The following NEGR1 variants were observed in gnomAD, a reference collection of about 807,000 sequenced individuals.
The protein encoded by NEGR1 is neuronal growth regulator 1, also known as IgLON family member 4.
A neutral mutation model predicts 40.9 loss-of-function variants in NEGR1; 10 were observed. The ratio of observed to expected loss-of-function variants is 0.24; its 90% CI spans 0.15 to 0.42. The LOEUF is 0.42. Ranked by LOEUF, NEGR1 falls within the 10% of genes least tolerant of loss-of-function variation. The probability of loss-of-function intolerance (pLI) is 1.00; values close to 1 mark genes in which losing one functional copy is unlikely to be tolerated. For missense variants in NEGR1, 352 were observed against 438.9 expected (o/e 0.80, Z 1.77); for synonymous variants, 185 against 166.8 (o/e 1.11, Z -0.84).
At chr1:72,110,813 A>C (rs1416146551) in intron 1 of NEGR1, among the ~76,000 whole-genome samples, 1 of 151,554 alleles carries the variant, frequency 6.6e-6, no homozygotes, top group Non-Finnish European at 1.5e-5. Context: ...TTTACATGTA[A>C]ATATAAGATT....
At chr1:71,888,260 G>A (rs1356374530) in intron 2 of NEGR1, among the ~76,000 whole-genome samples, 3 of 152,140 alleles carry the variant, frequency 2.0e-5, no homozygotes, top group South Asian at 2.1e-4. Context: ...CTCCCAGCGT[G>A]AGCGACGCAG....
chr1:71,781,130 C>A (rs1656701593), intron 2 of NEGR1, among the ~76,000 whole-genome samples: 6 of 152,080 alleles, frequency 3.9e-5, no homozygotes, highest in Admixed American at 3.9e-4. Flanking sequence ...AAAGATATAG[C>A]TTTAATTTCT....
At position 72,040,998 on chromosome 1, in the gene NEGR1, CAT is replaced by C. The variant is rs879554177; in HGVS notation, c.177-105689_177-105688del. On this transcript the variant is annotated intron_variant, in intron 1 of 6. Coordinates refer to ENST00000357731, the MANE Select transcript of NEGR1 (RefSeq NM_173808.3). Reference sequence around the variant, plus strand: ...TTTCTGTTTAGGTTCATCCATATGTCATTGTAAGTAACCAATGTCAATAGTTC... The same window carrying C: ...TTTCTGTTTAGGTTCATCCATATGTCTGTAAGTAACCAATGTCAATAGTTC... Among the ~76,000 whole-genome samples the C allele has an allele frequency of 9.8e-3, 1,492 of 152,024 alleles. 22 individuals carry two copies. The highest frequency in any genetic ancestry group is 0.034 in the African/African-American group (1,431 of 41,516).
At chr1:71,996,047 A>T (rs894441336) in intron 1 of NEGR1, among the ~76,000 whole-genome samples, 9 of 152,172 alleles carry the variant, frequency 5.9e-5, no homozygotes, top group African/African-American at 2.2e-4. Flanking sequence ...AACTTGTTGA[A>T]AAAATAGTAA....
In NEGR1 at chr1:71,401,374, A is replaced by G. The variant is rs1646245644; in HGVS notation, c.*6072T>C. On this transcript the variant is annotated 3_prime_UTR_variant, in exon 7 of 7. Transcript: ENST00000357731. ...TAAATTATCCTTTTATCTGGTTGTAATGTCTTATCAGGTCCTTCATTAATG... is the reference window on the plus strand; with the variant it reads ...TAAATTATCCTTTTATCTGGTTGTAGTGTCTTATCAGGTCCTTCATTAATG... 6.6e-6 allele frequency: 1 copy of G among 152,120 alleles called. No individual in the cohort carries two copies. Among genetic ancestry groups the G allele is most frequent in the Admixed American group, 6.5e-5 (1 of 15,270 alleles). 9.4% of individuals were successfully genotyped at this position (152,120 alleles called of 1,614,324 possible).
intron 6 of NEGR1, chr1:71,472,460 T>C (rs1328266730): frequency 1.3e-5 from 2 of 152,130 alleles, no homozygotes; most frequent in African/African-American, 2.4e-5. Context: ...TGAAATTCAA[T>C]TGGGCTACTG....
At chr1:71,944,265 C>T (rs565048919) in intron 1 of NEGR1, among the ~76,000 whole-genome samples, 2 of 152,256 alleles carry the variant, frequency 1.3e-5, no homozygotes, top group Admixed American at 1.3e-4. Context: ...ATGAAAACTA[C>T]ATTCAAAATG....
intron 1 of NEGR1, among the ~76,000 whole-genome samples, chr1:72,084,278 A>G (rs1474017774): frequency 6.6e-6 from 1 of 152,152 alleles, no homozygotes; most frequent in African/African-American, 2.4e-5. Context: ...TTTTAAGCAA[A>G]TGACTCCATC....
chr1:71,880,496 T>G (rs1403039475), intron 2 of NEGR1, among the ~76,000 whole-genome samples: 1 of 152,090 alleles, frequency 6.6e-6, no homozygotes, highest in Non-Finnish European at 1.5e-5. Context: ...TTTGTTGCTC[T>G]CTGTTCAAAT....
intron 3 of NEGR1, among the ~76,000 whole-genome samples, chr1:71,745,807 A>T (rs942095008): frequency 1.3e-5 from 2 of 152,174 alleles, no homozygotes; most frequent in African/African-American, 4.8e-5. Flanking sequence ...AACAAACAGA[A>T]ATCATAACCT....
chr1:72,260,828 T>G (rs1206107320), intron 1 of NEGR1, among the ~76,000 whole-genome samples: 1 of 152,114 alleles, frequency 6.6e-6, no homozygotes, highest in Non-Finnish European at 1.5e-5. Context: ...ACATGCAGAT[T>G]GCATAATTAC....
chr1:72,027,210 G>A (rs1455504029), intron 1 of NEGR1, among the ~76,000 whole-genome samples: 1 of 152,118 alleles, frequency 6.6e-6, no homozygotes, highest in East Asian at 1.9e-4. Flanking sequence ...ACAGGCTTGA[G>A]CCACCGCACC....
At chr1:72,163,406 A>G (rs1651659246) in intron 1 of NEGR1, among the ~76,000 whole-genome samples, 1 of 151,998 alleles carries the variant, frequency 6.6e-6, no homozygotes, top group South Asian at 2.1e-4. Context: ...TTTTTCTTTT[A>G]CTTGCTTTCT....
chr1:72,130,380 A>G (rs1427063377), intron 1 of NEGR1, among the ~76,000 whole-genome samples: 1 of 152,174 alleles, frequency 6.6e-6, no homozygotes, highest in Non-Finnish European at 1.5e-5. Flanking sequence ...TAAACCTTTT[A>G]TAACTTCCGT....
At chr1:71,896,204 A>G (rs1660969411) in intron 2 of NEGR1, among the ~76,000 whole-genome samples, 1 of 151,870 alleles carries the variant, frequency 6.6e-6, no homozygotes, top group Non-Finnish European at 1.5e-5. Context: ...TGCCTGGCTA[A>G]TTTTTGTGTT....
At chr1:71,774,902 T>A (rs1656450033) in intron 3 of NEGR1, among the ~76,000 whole-genome samples, 1 of 152,190 alleles carries the variant, frequency 6.6e-6, no homozygotes, top group Admixed American at 6.5e-5. Flanking sequence ...TGACTTATAA[T>A]CTCTTTGGGA....
rs1569844470 is a variant in NEGR1, at chr1:72,026,105, C to T, written c.177-90794G>A. Reference sequence around the variant, plus strand: ...CAGCCTGGGCGACAGAGCGAGACTCCGTCTCAAAAAAAAAAAAAAAAAAAA... The same window carrying T: ...CAGCCTGGGCGACAGAGCGAGACTCTGTCTCAAAAAAAAAAAAAAAAAAAA... On this transcript the variant is annotated intron_variant, in intron 1 of 6. Transcript: ENST00000357731. Among the ~76,000 whole-genome samples the T allele has an allele frequency of 1.6e-4, 12 of 75,884 alleles. No individual in the cohort carries two copies. In the South Asian group the frequency reaches 4.0e-3, roughly 25 times the overall value. 49.8% of individuals were successfully genotyped at this position (75,884 alleles called of 152,430 possible).
At chr1:72,199,740 C>G (rs898115268) in intron 1 of NEGR1, among the ~76,000 whole-genome samples, 2 of 151,946 alleles carry the variant, frequency 1.3e-5, no homozygotes, top group African/African-American at 4.8e-5. Flanking sequence ...TTTCAATCCA[C>G]TTTTTAAACA....
intron 6 of NEGR1, among the ~76,000 whole-genome samples, chr1:71,474,557 C>T (rs963794711): frequency 2.7e-5 from 4 of 146,392 alleles, no homozygotes; most frequent in Non-Finnish European, 6.0e-5. Flanking sequence ...CACACACACA[C>T]ACAATTAGCC....
Sources: allele counts gnomAD v4.1 joint callset (sites outside exome capture counted in the v4.1 genomes callset), GRCh38; gene constraint gnomAD v4.1.1; transcripts MANE v1.5; gene names NCBI Gene and HGNC (gene_info 2026-07-23, HGNC 2026-07-21).